DGLUCY: variants seen among roughly 807,000 people sequenced by gnomAD.
DGLUCY encodes the protein D-glutamate cyclase.
DGLUCY carries 58 observed loss-of-function variants against 58.5 expected under a neutral mutation model. That is an observed-to-expected ratio of 0.99 (90% confidence interval 0.80 to 1.23). The LOEUF is 1.23. Among genes scored for constraint, DGLUCY ranks in the 50% most tolerant of loss-of-function variants. The pLI, the probability that DGLUCY is intolerant of heterozygous loss-of-function variation, is 0.00. For missense variants in DGLUCY, 779 were observed against 784.7 expected, an observed-to-expected ratio of 0.99 and a Z score of 0.09; for synonymous variants, 325 against 314.1, an observed-to-expected ratio of 1.03 and a Z score of -0.37.
intron 8 of DGLUCY, 95 bp downstream of exon 8, chr14:91,181,484 G>A (rs1455640655): frequency 8.0e-6 from 10 of 1,244,204 alleles, no homozygotes; most frequent in South Asian, 2.7e-5. Context: ...AAGGTGGGAT[G>A]CAAAATGTAT....
At chr14:91,195,171 G>C (rs184747712) in intron 9 of DGLUCY, among the ~76,000 whole-genome samples, 1 of 152,238 alleles carries the variant, frequency 6.6e-6, no homozygotes. Flanking sequence ...GGACCAGCTA[G>C]ACCATAACAG....
chr14:91,148,604 G>A (rs527456695), intron 1 of DGLUCY: 1 of 152,274 alleles, frequency 6.6e-6, no homozygotes, highest in Admixed American at 6.5e-5. Context: ...AGAACCAGAA[G>A]GTGCTAACAA....
At chr14:91,185,791 C>T (rs1020481751) in intron 8 of DGLUCY, among the ~76,000 whole-genome samples, 1 of 151,818 alleles carries the variant, frequency 6.6e-6, no homozygotes, top group African/African-American at 2.4e-5. Context: ...AGGTCAGCCA[C>T]AAACACCACC....
rs896506301 is a variant in DGLUCY at position 91,170,137 on chromosome 14, C to A, written c.392C>A (p.Ala131Asp). Residue 131 changes from alanine (A) to aspartate (D), a missense_variant, in exon 5 of 14, where the codon GCC (alanine) becomes GAC (aspartate). By Grantham distance (126) the Ala-to-Asp change is moderately radical. Coordinates refer to ENST00000256324, the MANE Select transcript of DGLUCY (RefSeq NM_001102368.3). The part of the protein sequence containing the change: ...FLGCSFSLEE[A>D]LEKAGLPRRD... ...GGCTGCAGCTTCTCCCTGGAGGAGG[C>A]CTTGGAGAAAGCGGGGCTCCCCAGA... 4 of 1,613,228 alleles carry A rather than the reference C, an allele frequency of 2.5e-6. No individual in the cohort carries two copies. Among genetic ancestry groups the A allele is most frequent in the South Asian group, 1.1e-5 (1 of 90,918 alleles).
intron 8 of DGLUCY, among the ~76,000 whole-genome samples, chr14:91,182,338 G>A (rs2049231315): frequency 6.6e-6 from 1 of 152,120 alleles, no homozygotes; most frequent in South Asian, 2.1e-4. Flanking sequence ...GAAGTTCGTT[G>A]AGTTTATTTG....
intron 1 of DGLUCY, among the ~76,000 whole-genome samples, chr14:91,062,050 A>G (rs536275714): frequency 1.3e-5 from 2 of 152,200 alleles, no homozygotes; most frequent in Non-Finnish European, 2.9e-5. Flanking sequence ...CAGATAGTAA[A>G]TATTTTAGGA....
At chr14:91,204,397 C>T (rs999042757) in intron 11 of DGLUCY, among the ~76,000 whole-genome samples, 5 of 152,214 alleles carry the variant, frequency 3.3e-5, no homozygotes, top group Non-Finnish European at 7.3e-5. Context: ...TCCTGAGTGT[C>T]ACCATACCCA....
intron 1 of DGLUCY, among the ~76,000 whole-genome samples, chr14:91,075,072 C>CA (rs1163669924): frequency 0.34 from 39,620 of 115,012 alleles, 5,729 homozygotes; most frequent in Middle Eastern, 0.42. Flanking sequence ...AACTCCGTCT[C>CA]AAAAAAAAAA....
intron 1 of DGLUCY, among the ~76,000 whole-genome samples, chr14:91,102,309 G>A (rs1188908743): frequency 2.0e-5 from 3 of 152,166 alleles, no homozygotes; most frequent in East Asian, 1.9e-4. Flanking sequence ...TCTGTGAGGC[G>A]ATGGATGAAG....
At chr14:91,184,794 C>T (rs973590466) in intron 8 of DGLUCY, among the ~76,000 whole-genome samples, 3 of 152,022 alleles carry the variant, frequency 2.0e-5, no homozygotes, top group Non-Finnish European at 4.4e-5. Flanking sequence ...AGCTCTTTGC[C>T]TGTTTGTCTT....
At chr14:91,087,095 A>G (rs1328252411) in intron 1 of DGLUCY, among the ~76,000 whole-genome samples, 4 of 152,198 alleles carry the variant, frequency 2.6e-5, no homozygotes, top group Non-Finnish European at 5.9e-5. Context: ...AGAGTCTAGA[A>G]GTTTGCCACA....
At chr14:91,184,999 ACT>A (rs1457958936) in intron 8 of DGLUCY, among the ~76,000 whole-genome samples, 2 of 151,588 alleles carry the variant, frequency 1.3e-5, no homozygotes, top group Admixed American at 6.6e-5. Flanking sequence ...ACACAGTCTC[ACT>A]CTGTTGCCCA....
intron 1 of DGLUCY, among the ~76,000 whole-genome samples, chr14:91,068,077 A>ACG (rs527668243): frequency 0.18 from 15,144 of 84,538 alleles, 847 homozygotes; most frequent in East Asian, 0.3. Context: ...ACACACGCGC[A>ACG]CGCACACACA....
intron 1 of DGLUCY, among the ~76,000 whole-genome samples, chr14:91,085,221 CAA>C (rs745438426): frequency 1.3e-3 from 113 of 89,230 alleles, no homozygotes; most frequent in African/African-American, 2.4e-3. Context: ...AACCCTGTCT[CAA>C]AAAAAAAAAA....
At chr14:91,060,462 T>A in exon 1 of DGLUCY, 1 of 1,411,786 alleles carries the variant, frequency 7.1e-7, no homozygotes, top group Middle Eastern at 1.9e-4. Flanking sequence ...ATCCCGCGGG[T>A]CGCTACGAGG....
chr14:91,144,525 A>T lies in DGLUCY; in HGVS notation c.-81-13114A>T, dbSNP rs112397432. ...CAGTGAGCTGAGATGACACTACTGC[A>T]CTCCAGCCTTAGCAACAGAGCAAGA... On this transcript the variant is annotated intron_variant, in intron 1 of 13. Coordinates refer to ENST00000256324, the MANE Select transcript of DGLUCY (RefSeq NM_001102368.3). Among the ~76,000 whole-genome samples, 874 of 152,240 alleles carry T rather than the reference A, an allele frequency of 5.7e-3. 4 individuals carry two copies. Among genetic ancestry groups the T allele is most frequent in the African/African-American group, 0.02 (828 of 41,550 alleles).
chr14:91,196,509 G>A, intron 10 of DGLUCY, 35 bp downstream of exon 10: 1 of 1,550,508 alleles, frequency 6.4e-7, no homozygotes, highest in South Asian at 1.1e-5. Flanking sequence ...AGTGGCGGAT[G>A]GTGGAAACGC....
chr14:91,146,914 A>C lies in DGLUCY; in HGVS notation c.-81-10725A>C, dbSNP rs181972146. On this transcript the variant is annotated intron_variant, in intron 1 of 13. Coordinates refer to ENST00000256324, the MANE Select transcript of DGLUCY (RefSeq NM_001102368.3). Reference sequence around the variant, plus strand: ...CGGGGCTGCCAAGCTGTTCCCCTGGAAATGCACCGAGAGCTGCCAGGGAGA... The same window carrying C: ...CGGGGCTGCCAAGCTGTTCCCCTGGCAATGCACCGAGAGCTGCCAGGGAGA... Among the ~76,000 whole-genome samples, 30 of 152,056 alleles carry C rather than the reference A, an allele frequency of 2.0e-4. 1 individual carries two copies. The East Asian group carries it at 4.3e-3, about 22-fold the overall frequency.
At chr14:91,163,508 T>A (rs2048107581) in intron 3 of DGLUCY, among the ~76,000 whole-genome samples, 2 of 152,188 alleles carry the variant, frequency 1.3e-5, no homozygotes, top group South Asian at 4.1e-4. Context: ...CTGTAGCGAC[T>A]GTGATAATGA....
Sources: gnomAD v4.1 joint callset for allele counts (sites outside exome capture counted in the v4.1 genomes callset) on GRCh38, gnomAD v4.1.1 for gene constraint, MANE v1.5 for transcripts, NCBI Gene and HGNC (gene_info 2026-07-23, HGNC 2026-07-21) for gene names.